Variants in CUL4B observed in about 807,000 individuals in gnomAD.
The protein encoded by CUL4B is cullin-4B.
Under a neutral mutation model 69.2 loss-of-function variants are expected in CUL4B, and 1 was observed. That is an observed-to-expected ratio of 0.01 (90% CI 0.01 to 0.07). The LOEUF is 0.07. Ranked by LOEUF, CUL4B falls within the 10% of genes least tolerant of loss-of-function variation. The probability of loss-of-function intolerance (pLI) is 1.00; values close to 1 mark genes in which losing one functional copy is unlikely to be tolerated. For missense variants in CUL4B, 328 were observed against 638.8 expected (o/e 0.51, Z 5.24); for synonymous variants, 237 against 223.2 (o/e 1.06, Z -0.55).
At chrX:120,531,709 C>T (rs1218050431) in intron 18 of CUL4B, among the ~76,000 whole-genome samples, 1 of 111,352 alleles carries the variant, frequency 9.0e-6, no homozygotes, top group South Asian at 3.8e-4. Flanking sequence ...ATCTGCCCGC[C>T]TCGGCCTCCC....
intron 4 of CUL4B, 30 bp downstream of exon 4, chrX:120,546,517 A>G (rs779894905): frequency 1.4e-4 from 156 of 1,120,511 alleles, no homozygotes; most frequent in Non-Finnish European, 1.8e-4. Flanking sequence ...TACAATGTTT[A>G]GCCGAAATAC....
intron 8 of CUL4B, among the ~76,000 whole-genome samples, chrX:120,543,365 C>T (rs951278885): frequency 1.8e-5 from 2 of 111,060 alleles, no homozygotes; most frequent in Admixed American, 1.9e-4. Flanking sequence ...GTACTACATA[C>T]AGAGGCCCCT....
At position 120,523,882 on chromosome X, in the gene CUL4B, TTTTA is replaced by T. The variant is rs1206637675; in HGVS notation, c.*2875_*2878del. Among the ~76,000 whole-genome samples the T allele has an allele frequency of 9.0e-6, 1 of 111,702 alleles. No individual in the cohort carries two copies. The highest frequency in any genetic ancestry group is 1.9e-5 in the Non-Finnish European group (1 of 53,137). On this transcript the variant is annotated 3_prime_UTR_variant, in exon 20 of 20. Transcript: ENST00000371322. Reference sequence around the variant, plus strand: ...ATTTTCATCAGTACTGCTCTTTTCTTTTTAATGAACAATTTGTTTTGGCAATTTT... The same window carrying T: ...ATTTTCATCAGTACTGCTCTTTTCTTATGAACAATTTGTTTTGGCAATTTT...
Position 120,560,908 on chromosome X carries a change from C to T in CUL4B, c.-270G>A. 1.3e-6 allele frequency: 1 copy of T among 753,433 alleles called. No homozygotes were observed. The highest frequency in any genetic ancestry group is 1.6e-6 in the Non-Finnish European group (1 of 638,963). 62.1% of individuals were successfully genotyped at this position (753,433 alleles called of 1,213,427 possible). A position where few individuals can be genotyped will look rare whatever the true frequency, so the allele number is the denominator to read the frequency against. On this transcript the variant is annotated 5_prime_UTR_variant, in exon 1 of 20. Transcript: ENST00000371322. Reference sequence around the variant, plus strand: ...AGGTAAACGGCCGTGCCGTCCCCCTCCCCTGCTTTTCGATCTCTCTCCCCC... The same window carrying T: ...AGGTAAACGGCCGTGCCGTCCCCCTTCCCTGCTTTTCGATCTCTCTCCCCC...
In CUL4B at chrX:120,558,049, A is replaced by T. The variant is rs1268660175; in HGVS notation, c.557-10T>A. The T allele has an allele frequency of 9.3e-7, 1 of 1,076,919 alleles. No homozygotes were observed. The highest frequency in any genetic ancestry group is 1.3e-6 in the Non-Finnish European group (1 of 774,430). 88.8% of individuals were successfully genotyped at this position (1,076,919 alleles called of 1,213,427 possible). ...GGTAATTTAGGCTTATCTAGATGAT[A>T]TGTAAAAGGTTGGCATCAGAATACC... On this transcript the variant is annotated splice_polypyrimidine_tract_variant and intron_variant, in intron 1 of 19. Coordinates refer to ENST00000371322, the MANE Select transcript of CUL4B (RefSeq NM_001079872.2).
chrX:120,540,892 A>G (rs1485744791), intron 10 of CUL4B, among the ~76,000 whole-genome samples: 1 of 112,503 alleles, frequency 8.9e-6, no homozygotes, highest in Non-Finnish European at 1.9e-5. Flanking sequence ...AAAAATAGTA[A>G]GCAATGATCA....
chrX:120,557,821 G>T, intron 2 of CUL4B, 103 bp downstream of exon 2: 1 of 483,759 alleles, frequency 2.1e-6, no homozygotes, highest in Non-Finnish European at 3.5e-6. Context: ...AAATTAGAAG[G>T]GAACCAAAAG....
chrX:120,562,707 C>T (rs768408727), upstream of CUL4B, among the ~76,000 whole-genome samples: 1 of 111,160 alleles, frequency 9.0e-6, no homozygotes, highest in Non-Finnish European at 1.9e-5. Flanking sequence ...TTCTGGGGAA[C>T]GGAAACAAGG....
At chrX:120,559,903 A>T in intron 1 of CUL4B, 180 bp downstream of exon 1, 1 of 1,139,621 alleles carries the variant, frequency 8.8e-7, no homozygotes, top group Non-Finnish European at 1.2e-6. Context: ...CAGCACAAGG[A>T]TCCTAACCAC....
At chrX:120,546,749 A>G (rs904670306) in intron 3 of CUL4B, 133 bp from the exon 4 acceptor site, 2 of 463,369 alleles carry the variant, frequency 4.3e-6, no homozygotes, top group African/African-American at 2.5e-5. Context: ...ATTATGCACC[A>G]AAGTGCTATT....
In CUL4B at chrX:120,548,770, G is replaced by C. The variant is rs187915795; in HGVS notation, c.673-1531C>G. On this transcript the variant is annotated intron_variant, in intron 2 of 19. Transcript: ENST00000371322. ...AATTGCTTGAACCCAGGAGGTGGAG[G>C]GTGCAGTGAGCCGAGATCACACCAG... is the stretch of plus-strand genomic sequence containing the variant. 5.1e-3 allele frequency among the ~76,000 whole-genome samples: 557 copies of C among 109,607 alleles called. 3 individuals are homozygous for C. The highest frequency in any genetic ancestry group is 0.018 in the African/African-American group (527 of 30,003).
chrX:120,563,148 T>C (rs774113038), upstream of CUL4B, among the ~76,000 whole-genome samples: 11 of 112,530 alleles, frequency 9.8e-5, no homozygotes, highest in Non-Finnish European at 1.9e-4. Flanking sequence ...TAATGGAACT[T>C]AGAACCGCTG....
chrX:120,538,417 G>T, intron 13 of CUL4B: 1 of 405,455 alleles, frequency 2.5e-6, no homozygotes, highest in Non-Finnish European at 4.2e-6. Context: ...CTACTATTTA[G>T]GTATAAAATA....
upstream of CUL4B, chrX:120,561,102 C>A: frequency 9.7e-7 from 1 of 1,027,414 alleles, no homozygotes; most frequent in Non-Finnish European, 1.2e-6. Context: ...CATTTCCGGT[C>A]ACGCGGCGCC....
In CUL4B at chrX:120,536,012, A is replaced by T. The variant is rs1923648419; in HGVS notation, c.2047-69T>A. 3 of 769,773 alleles carry T rather than the reference A, an allele frequency of 3.9e-6. No individual in the cohort carries two copies. The Admixed American group carries it at 6.8e-5, about 17-fold the overall frequency. 63.4% of individuals were successfully genotyped at this position (769,773 alleles called of 1,213,427 possible). On this transcript the variant is annotated intron_variant, in intron 15 of 19. Transcript: ENST00000371322. ...TACCACATTTACCATTTTTATACTT[A>T]CCTCATGTGATATAGTTTCTGGAAA... is the stretch of plus-strand genomic sequence containing the variant.
intron 10 of CUL4B, 144 bp from the exon 11 acceptor site, chrX:120,540,706 T>C: frequency 2.1e-6 from 1 of 484,441 alleles, no homozygotes; most frequent in Non-Finnish European, 3.4e-6. Context: ...TCTTGCTATG[T>C]TGCCCAGGCT....
intron 7 of CUL4B, 109 bp from the exon 8 acceptor site, chrX:120,543,918 T>A: frequency 3.2e-6 from 2 of 624,935 alleles, no homozygotes; most frequent in Admixed American, 2.8e-5. Flanking sequence ...CAGGGTAGAA[T>A]CATATGTAAA....
chrX:120,559,996 C>T, intron 1 of CUL4B, 87 bp downstream of exon 1: 43 of 1,203,292 alleles, frequency 3.6e-5, no homozygotes, highest in Non-Finnish European at 4.8e-5. Flanking sequence ...CACCTCCAAA[C>T]TGTTTAATAT....
intron 2 of CUL4B, among the ~76,000 whole-genome samples, chrX:120,574,118 C>T (rs1224774659): frequency 9.3e-6 from 1 of 107,372 alleles, no homozygotes; most frequent in Non-Finnish European, 1.9e-5. Context: ...CTGCCCCAGC[C>T]TCCCAAAGTG....
Sources: allele counts gnomAD v4.1 joint callset (sites outside exome capture counted in the v4.1 genomes callset), GRCh38; gene constraint gnomAD v4.1.1; transcripts MANE v1.5; gene names NCBI Gene and HGNC (gene_info 2026-07-23, HGNC 2026-07-21).